The following EPS8 variants were observed in gnomAD, a reference collection of about 807,000 sequenced individuals.
The protein encoded by EPS8 is EGFR pathway substrate 8, signaling adaptor, also known as epidermal growth factor receptor kinase substrate 8.
In EPS8, 42 loss-of-function variants were observed where a neutral mutation model predicts 103.8. The ratio of observed to expected loss-of-function variants is 0.40; its 90% CI spans 0.32 to 0.52. The LOEUF is 0.52. EPS8 is among the 20% of genes least tolerant of loss of function. The pLI, the probability that EPS8 is intolerant of heterozygous loss-of-function variation, is 0.40. For missense variants in EPS8, 969 were observed against 1,005.1 expected, an observed-to-expected ratio of 0.96 and a Z score of 0.49; for synonymous variants, 344 against 344.6, an observed-to-expected ratio of 1.00 and a Z score of 0.02.
intron 16 of EPS8, 84 bp downstream of exon 16, chr12:15,641,638 T>C: frequency 5.1e-6 from 3 of 589,412 alleles, no homozygotes; most frequent in Non-Finnish European, 2.8e-6. Flanking sequence ...ATAATACTTT[T>C]GAAGGAAAGT....
intron 6 of EPS8, 99 bp from the exon 7 acceptor site, chr12:15,666,621 T>G: frequency 2.5e-6 from 2 of 804,874 alleles, no homozygotes; most frequent in Non-Finnish European, 4.1e-6. Flanking sequence ...TCTGAATCAG[T>G]AAGTATCTTG....
intron 8 of EPS8, chr12:15,662,789 G>C: frequency 3.3e-6 from 1 of 303,926 alleles, no homozygotes; most frequent in Non-Finnish European, 4.8e-6. Context: ...TCTAAACACA[G>C]AGAGTTGTTA....
chr12:15,649,279 C>T (rs1009048401), intron 14 of EPS8, among the ~76,000 whole-genome samples: 4 of 152,186 alleles, frequency 2.6e-5, no homozygotes, highest in South Asian at 4.2e-4. Flanking sequence ...AAATTGAGAA[C>T]GAAATCACAA....
chr12:15,638,805 G>A (rs374655453), intron 17 of EPS8, among the ~76,000 whole-genome samples: 30 of 152,140 alleles, frequency 2.0e-4, no homozygotes, highest in Admixed American at 3.9e-4. Flanking sequence ...CTTTCCCTGC[G>A]TATGATATAT....
intron 1 of EPS8, among the ~76,000 whole-genome samples, chr12:15,699,543 C>T (rs891961856): frequency 6.6e-6 from 1 of 152,082 alleles, no homozygotes; most frequent in Non-Finnish European, 1.5e-5. Flanking sequence ...ATGAAATTCA[C>T]TAAAAACCAG....
At chr12:15,643,837 A>C (rs549618336) in intron 15 of EPS8, among the ~76,000 whole-genome samples, 2 of 152,088 alleles carry the variant, frequency 1.3e-5, no homozygotes, top group Non-Finnish European at 2.9e-5. Context: ...GGAATAATAG[A>C]TACGCCACTT....
chr12:15,705,348 CATGTGA>C (rs1280903163), intron 1 of EPS8, among the ~76,000 whole-genome samples: 1 of 152,264 alleles, frequency 6.6e-6, no homozygotes, highest in East Asian at 1.9e-4. Context: ...TTCATGAACA[CATGTGA>C]AATCACTCAA....
At position 15,738,567 on chromosome 12, in the gene EPS8, T is replaced by C. The variant is rs896636086; in HGVS notation, c.-22+50594A>G. Among the ~76,000 whole-genome samples the C allele has an allele frequency of 6.6e-6, 1 of 152,174 alleles. No homozygotes were observed. Among genetic ancestry groups the C allele is most frequent in the African/African-American group, 2.4e-5 (1 of 41,452 alleles). On this transcript the variant is annotated intron_variant, in intron 1 of 20. Coordinates refer to ENST00000281172, the MANE Select transcript of EPS8 (RefSeq NM_004447.6). The surrounding 1 kb of genome is among the most constrained non-coding windows in gnomAD (Gnocchi z 6.2). ...CATTCTTAGCCCTGAAGATAAAATATTAACAAAGAACAACTTCCTTCCAAC... is the reference window on the plus strand; with the variant it reads ...CATTCTTAGCCCTGAAGATAAAATACTAACAAAGAACAACTTCCTTCCAAC...
chr12:15,663,401 A>G (rs1172810500), intron 8 of EPS8, among the ~76,000 whole-genome samples: 1 of 152,146 alleles, frequency 6.6e-6, no homozygotes, highest in Non-Finnish European at 1.5e-5. Flanking sequence ...AGTCAGCTGG[A>G]GCATCCAGAG....
At position 15,781,384 on chromosome 12, in the gene EPS8, G is replaced by A. The variant is rs1947259336; in HGVS notation, c.-22+7777C>T. On this transcript the variant is annotated intron_variant, in intron 1 of 20. Coordinates refer to ENST00000281172, the MANE Select transcript of EPS8 (RefSeq NM_004447.6). The surrounding 1 kb of genome is among the most constrained non-coding windows in gnomAD (Gnocchi z 4.1). ...AAGGGCAGCACAACCAAGTGGAAAGGGCATGGATTTTGGAGTCAGGTCAGG... is the reference window on the plus strand; with the variant it reads ...AAGGGCAGCACAACCAAGTGGAAAGAGCATGGATTTTGGAGTCAGGTCAGG... 6.6e-6 allele frequency among the ~76,000 whole-genome samples: 1 copy of A among 152,130 alleles called. No individual in the cohort carries two copies. The highest frequency in any genetic ancestry group is 1.5e-5 in the Non-Finnish European group (1 of 68,036).
intron 5 of EPS8, 41 bp from the exon 6 acceptor site, chr12:15,669,577 C>T (rs1358385309): frequency 1.9e-6 from 3 of 1,567,326 alleles, no homozygotes; most frequent in East Asian, 4.5e-5. Flanking sequence ...AAACTTCCAT[C>T]CATTTTCAAA....
chr12:15,687,882 T>A (rs761564311), intron 1 of EPS8, among the ~76,000 whole-genome samples: 1 of 152,220 alleles, frequency 6.6e-6, no homozygotes, highest in Admixed American at 6.5e-5. Flanking sequence ...ATGCTAATTT[T>A]AAAAAGAATC....
At chr12:15,686,969 CAATTT>C (rs1337823658) in intron 1 of EPS8, among the ~76,000 whole-genome samples, 3 of 151,904 alleles carry the variant, frequency 2.0e-5, no homozygotes, top group South Asian at 4.2e-4. Flanking sequence ...GTCTAGGTTT[CAATTT>C]AATTTAATTT....
rs553350511 is a variant in EPS8, at chr12:15,760,390, T to C, written c.-22+28771A>G. On this transcript the variant is annotated intron_variant, in intron 1 of 20. Coordinates refer to ENST00000281172, the MANE Select transcript of EPS8 (RefSeq NM_004447.6). The surrounding 1 kb of genome is among the most constrained non-coding windows in gnomAD (Gnocchi z 4.5). ...TACAAAACATTTAAAGAAGAATTAATACGAATCCTACTCAAACTATTCTGA... is the reference window on the plus strand; with the variant it reads ...TACAAAACATTTAAAGAAGAATTAACACGAATCCTACTCAAACTATTCTGA... Among the ~76,000 whole-genome samples, 2 of 152,194 alleles carry C rather than the reference T, an allele frequency of 1.3e-5. No homozygotes were observed. The highest frequency in any genetic ancestry group is 1.3e-4 in the Admixed American group (2 of 15,284).
chr12:15,749,887 G>T lies in EPS8; in HGVS notation c.-22+39274C>A, dbSNP rs141082405. On this transcript the variant is annotated intron_variant, in intron 1 of 20. Coordinates refer to ENST00000281172, the MANE Select transcript of EPS8 (RefSeq NM_004447.6). This position sits in a 1 kb window ranked among gnomAD's most constrained non-coding sequence, Gnocchi z 4.0. ...TGTAAACAAAATCTAGTAGACTATAGTAATTCATCTAAGAAAAACGAATCT... is the reference window on the plus strand; with the variant it reads ...TGTAAACAAAATCTAGTAGACTATATTAATTCATCTAAGAAAAACGAATCT... Among the ~76,000 whole-genome samples, 7 of 152,204 alleles carry T rather than the reference G, an allele frequency of 4.6e-5. No individual in the cohort carries two copies. In the South Asian group the frequency reaches 1.2e-3, roughly 27 times the overall value.
chr12:15,634,302 A>G (rs886810319), intron 17 of EPS8, among the ~76,000 whole-genome samples: 2 of 152,176 alleles, frequency 1.3e-5, no homozygotes, highest in African/African-American at 4.8e-5. Flanking sequence ...GCCCACAAAC[A>G]CAAAGTTCTG....
chr12:15,767,003 T>C lies in EPS8; in HGVS notation c.-22+22158A>G, dbSNP rs1402926734. Among the ~76,000 whole-genome samples the C allele has an allele frequency of 6.6e-6, 1 of 152,160 alleles. No homozygotes were observed. The highest frequency in any genetic ancestry group is 2.4e-5 in the African/African-American group (1 of 41,448). On this transcript the variant is annotated intron_variant, in intron 1 of 20. Coordinates refer to ENST00000281172, the MANE Select transcript of EPS8 (RefSeq NM_004447.6). This position sits in a 1 kb window ranked among gnomAD's most constrained non-coding sequence, Gnocchi z 5.5. ...ATTCCACAAGCCAGTCAAATAGCCATCTCTGATGTTTAAATATATATATAT... is the reference window on the plus strand; with the variant it reads ...ATTCCACAAGCCAGTCAAATAGCCACCTCTGATGTTTAAATATATATATAT...
intron 1 of EPS8, chr12:15,732,804 G>A (rs1946731372): frequency 1.0e-6 from 1 of 963,646 alleles, no homozygotes; most frequent in African/African-American, 1.8e-5. Context: ...TAAAACTCTT[G>A]AGCTAGCGCT....
chr12:15,711,033 C>CGTAT (rs1375476653), intron 1 of EPS8, among the ~76,000 whole-genome samples: 1 of 136,424 alleles, frequency 7.3e-6, no homozygotes, highest in African/African-American at 2.7e-5. Flanking sequence ...CCATGCCAGG[C>CGTAT]TTATTTATTT....
Sources: gnomAD v4.1 joint callset for allele counts (sites outside exome capture counted in the v4.1 genomes callset) on GRCh38, gnomAD v4.1.1 for gene constraint, Gnocchi (gnomAD v3.1) non-coding constraint, MANE v1.5 for transcripts, NCBI Gene and HGNC (gene_info 2026-07-23, HGNC 2026-07-21) for gene names.